DLC1: variants seen among roughly 807,000 people sequenced by gnomAD.
DLC1 encodes rho GTPase-activating protein 7.
DLC1 carries 54 observed loss-of-function variants against 140.3 expected under a neutral mutation model. That is an observed-to-expected ratio of 0.38 (90% CI 0.31 to 0.48). The LOEUF (loss-of-function observed/expected upper bound fraction) is 0.48, where lower values mean the gene tolerates loss of function less well. Ranked by LOEUF, DLC1 falls within the 20% of genes least tolerant of loss-of-function variation. DLC1 has a pLI of 0.96. For synonymous variants in DLC1, 986 were observed against 728.1 expected (o/e 1.35, Z -5.70); for missense variants, 2,536 against 1,907.0 (o/e 1.33, Z -6.14).
At chr8:13,587,264 G>A (rs1461337826) in intron 1 of DLC1, among the ~76,000 whole-genome samples, 2 of 151,112 alleles carry the variant, frequency 1.3e-5, no homozygotes, top group African/African-American at 2.4e-5. Context: ...TTTAAAGGGT[G>A]TGCTTTTAGT....
intron 4 of DLC1, among the ~76,000 whole-genome samples, chr8:13,329,758 C>G (rs763004196): frequency 6.6e-6 from 1 of 152,154 alleles, no homozygotes; most frequent in African/African-American, 2.4e-5. Flanking sequence ...TCCAGCAAAA[C>G]TCTTAGGATC....
At chr8:13,418,329 A>G (rs1280775554) in intron 2 of DLC1, among the ~76,000 whole-genome samples, 1 of 152,196 alleles carries the variant, frequency 6.6e-6, no homozygotes, top group Admixed American at 6.5e-5. Flanking sequence ...GTTTTCTTCT[A>G]GGGTTTTCAT....
intron 2 of DLC1, among the ~76,000 whole-genome samples, chr8:13,486,186 T>G (rs1800959282): frequency 6.6e-6 from 1 of 152,192 alleles, no homozygotes; most frequent in Non-Finnish European, 1.5e-5. Context: ...TGAAAATTCA[T>G]GCCTTAGGAA....
At chr8:13,469,013 G>A (rs541326894) in intron 2 of DLC1, among the ~76,000 whole-genome samples, 1 of 151,746 alleles carries the variant, frequency 6.6e-6, no homozygotes, top group South Asian at 2.1e-4. Context: ...TGGAGATGGG[G>A]TTTCACGATG....
At chr8:13,453,554 ATAT>A (rs1417349201) in intron 2 of DLC1, among the ~76,000 whole-genome samples, 7 of 33,346 alleles carry the variant, frequency 2.1e-4, no homozygotes, top group African/African-American at 7.4e-4. Flanking sequence ...ATATATATAT[ATAT>A]TTTTTTTTTT....
intron 6 of DLC1, 54 bp from the exon 7 acceptor site, chr8:13,110,877 A>C (rs1820045474): frequency 6.5e-7 from 1 of 1,536,100 alleles, no homozygotes. Context: ...CCAATTTGCC[A>C]AATAGCCCAG....
intron 4 of DLC1, among the ~76,000 whole-genome samples, chr8:13,345,838 C>T (rs1191257394): frequency 2.0e-5 from 3 of 152,100 alleles, no homozygotes; most frequent in South Asian, 2.1e-4. Flanking sequence ...AGATTACAGG[C>T]ATCAGCCGCT....
chr8:13,376,566 TAG>T (rs1443514909), intron 4 of DLC1, among the ~76,000 whole-genome samples: 1 of 152,186 alleles, frequency 6.6e-6, no homozygotes, highest in Admixed American at 6.5e-5. Context: ...TTTTGTTGAA[TAG>T]AGAGTTAGAA....
At chr8:13,564,444 T>C (rs1281065842) in intron 1 of DLC1, among the ~76,000 whole-genome samples, 1 of 152,156 alleles carries the variant, frequency 6.6e-6, no homozygotes, top group East Asian at 1.9e-4. Context: ...ACAGCGTTAC[T>C]TGAGAAGTTG....
At chr8:13,230,256 A>T (rs1357879444) in intron 5 of DLC1, among the ~76,000 whole-genome samples, 1 of 152,228 alleles carries the variant, frequency 6.6e-6, no homozygotes, top group African/African-American at 2.4e-5. Flanking sequence ...ACCTTGTTCA[A>T]GATCTGCTGG....
At position 13,111,392 on chromosome 8, in the gene DLC1, G is replaced by C. The variant is rs115787912; in HGVS notation, c.1421-569C>G. Among the ~76,000 whole-genome samples the C allele has an allele frequency of 9.6e-3, 1,458 of 152,248 alleles. 28 individuals are homozygous for C. Among genetic ancestry groups the C allele is most frequent in the African/African-American group, 0.033 (1,389 of 41,544 alleles). ...ACTGCAATATGGCCTTGCAGGAATTGATATAACTCCCCTAAAAAGAAAGGG... is the reference window on the plus strand; with the variant it reads ...ACTGCAATATGGCCTTGCAGGAATTCATATAACTCCCCTAAAAAGAAAGGG... On this transcript the variant is annotated intron_variant, in intron 6 of 17. Coordinates refer to ENST00000276297, the MANE Select transcript of DLC1 (RefSeq NM_182643.3).
intron 1 of DLC1, among the ~76,000 whole-genome samples, chr8:13,580,329 G>T (rs1029477725): frequency 6.6e-6 from 1 of 152,208 alleles, no homozygotes; most frequent in African/African-American, 2.4e-5. Flanking sequence ...CGCCGTGTTA[G>T]CCAGGATGGC....
Position 13,539,039 on chromosome 8 carries a change from C to T in DLC1, c.-125-38843G>A, listed in dbSNP as rs568633958. Among the ~76,000 whole-genome samples the T allele has an allele frequency of 7.9e-5, 12 of 152,242 alleles. 1 individual carries two copies. In the South Asian group the frequency reaches 2.5e-3, roughly 32 times the overall value. ...ATTATTTTGATCTTCATAGATAAGA[C>T]TGAATCCTTAAATCTTTGTAAAATA... is the stretch of plus-strand genomic sequence containing the variant. On this transcript the variant is annotated intron_variant, in intron 1 of 1. Transcript: ENST00000631382.
chr8:13,594,116 T>C (rs184879399), intron 1 of DLC1, among the ~76,000 whole-genome samples: 15 of 152,040 alleles, frequency 9.9e-5, no homozygotes, highest in African/African-American at 3.6e-4. Context: ...AATCATGATC[T>C]TGTAACTGCA....
At chr8:13,587,075 T>G (rs2117461217) in intron 1 of DLC1, among the ~76,000 whole-genome samples, 1 of 79,524 alleles carries the variant, frequency 1.3e-5, no homozygotes, top group Admixed American at 1.4e-4. Flanking sequence ...GGGAAAATAG[T>G]TTACACACAC....
At chr8:13,525,242 A>G (rs890102391) in intron 1 of DLC1, among the ~76,000 whole-genome samples, 2 of 152,196 alleles carry the variant, frequency 1.3e-5, no homozygotes, top group African/African-American at 2.4e-5. Context: ...GGTGATGGAC[A>G]TTTGGGGCAG....
At chr8:13,117,998 CTCTT>C (rs1487759536) in intron 5 of DLC1, among the ~76,000 whole-genome samples, 12 of 125,982 alleles carry the variant, frequency 9.5e-5, no homozygotes, top group African/African-American at 3.3e-4. Context: ...TCTTCTTGTT[CTCTT>C]TCTTTTTTTT....
chr8:13,415,859 T>A (rs995873341), intron 2 of DLC1, among the ~76,000 whole-genome samples: 3 of 152,258 alleles, frequency 2.0e-5, no homozygotes, highest in Admixed American at 2.0e-4. Flanking sequence ...TAAAGAATAT[T>A]TCTGAAAAGT....
chr8:13,169,547 G>A (rs1327693865), intron 5 of DLC1, among the ~76,000 whole-genome samples: 4 of 152,140 alleles, frequency 2.6e-5, no homozygotes, highest in African/African-American at 9.7e-5. Flanking sequence ...AAGTGAGGGG[G>A]TACTTAGGTT....
Sources: allele counts gnomAD v4.1 joint callset (sites outside exome capture counted in the v4.1 genomes callset), GRCh38; gene constraint gnomAD v4.1.1; transcripts MANE v1.5; gene names NCBI Gene and HGNC (gene_info 2026-07-23, HGNC 2026-07-21).